Variants in SCN2A observed in about 807,000 individuals in gnomAD.
SCN2A encodes the protein sodium voltage-gated channel alpha subunit 2.
Under a neutral mutation model 188.7 loss-of-function variants are expected in SCN2A, and 20 were observed. The observed-to-expected ratio is 0.11, with a 90% CI of 0.07 to 0.15. The LOEUF (loss-of-function observed/expected upper bound fraction) is 0.15, where lower values mean the gene tolerates loss of function less well. Ranked by LOEUF, SCN2A falls within the 10% of genes least tolerant of loss-of-function variation. SCN2A has a pLI of 1.00. For synonymous variants in SCN2A, 804 were observed against 833.1 expected (o/e 0.97, Z 0.60); for missense variants, 1,278 against 2,445.0 (o/e 0.52, Z 10.07).
intron 14 of SCN2A, among the ~76,000 whole-genome samples, chr2:165,337,753 T>C (rs919329615): frequency 6.8e-6 from 1 of 147,872 alleles, no homozygotes; most frequent in Non-Finnish European, 1.5e-5. Flanking sequence ...AACAAAAACC[T>C]AAAAAAGCTG....
chr2:165,326,859 C>G lies in SCN2A; in HGVS notation c.2024C>G (p.Thr675Ser), dbSNP rs565098344. The change falls in exon 13 of 27, where the codon ACT becomes AGT. Residue 675 changes from threonine (T) to serine (S), a missense_variant. Around this residue, in one of 17 missense-constraint regions of SCN2A, gnomAD observed 315 missense variants for 386.6 expected, o/e 0.81. Coordinates refer to ENST00000375437, the MANE Select transcript of SCN2A (RefSeq NM_001040142.2). ...CTGAAATTCTACTTCTAGGGCACAA[C>G]TACTGAAACAGAAATAAGAAAGAGA... ...SAGQLLPEGTTTETEIRKRRS... is the reference protein window; with the variant it reads ...SAGQLLPEGTSTETEIRKRRS... 8.7e-6 allele frequency: 14 copies of G among 1,613,886 alleles called. No homozygotes were observed. In the South Asian group the frequency reaches 1.5e-4, roughly 18 times the overall value.
chr2:165,359,998 A>G (rs1411241284), intron 17 of SCN2A, among the ~76,000 whole-genome samples: 1 of 151,966 alleles, frequency 6.6e-6, no homozygotes, highest in Non-Finnish European at 1.5e-5. Flanking sequence ...TGATTTTACC[A>G]TATTCTTTTT....
chr2:165,305,887 T>C (rs1697097994), intron 3 of SCN2A, among the ~76,000 whole-genome samples: 1 of 152,184 alleles, frequency 6.6e-6, no homozygotes, highest in African/African-American at 2.4e-5. Flanking sequence ...GAAATATCCT[T>C]TCCCCTATGC....
At position 165,354,771 on chromosome 2, in the gene SCN2A, A is replaced by G. The variant is rs559099074; in HGVS notation, c.3399+100A>G. On this transcript the variant is annotated intron_variant, in intron 17 of 26. Coordinates refer to ENST00000375437, the MANE Select transcript of SCN2A (RefSeq NM_001040142.2). The stretch of plus-strand genomic sequence containing the variant: ...TTGCGTGTTTCCTTCCTGTTAAGAA[A>G]ATAGAAAATATCTGTCTAGCAATAT... 8.5e-6 allele frequency: 10 copies of G among 1,176,770 alleles called. No homozygotes were observed. In the African/African-American group the frequency reaches 1.4e-4, roughly 16 times the overall value. 72.9% of individuals were successfully genotyped at this position (1,176,770 alleles called of 1,614,324 possible). A position where few individuals can be genotyped will look rare whatever the true frequency, so the allele number is the denominator to read the frequency against.
intron 1 of SCN2A, among the ~76,000 whole-genome samples, chr2:165,257,115 G>A (rs966115197): frequency 6.6e-6 from 1 of 152,148 alleles, no homozygotes; most frequent in Admixed American, 6.5e-5. Context: ...ATTTAGTTGC[G>A]TTCAAGGGTA....
chr2:165,290,828 A>G (rs1342104427), intron 1 of SCN2A: 2 of 959,272 alleles, frequency 2.1e-6, no homozygotes, highest in African/African-American at 3.5e-5. Flanking sequence ...GTTGGTACAC[A>G]TGGAAGATAT....
At chr2:165,312,746 G>A (rs1444210601) in intron 8 of SCN2A, among the ~76,000 whole-genome samples, 1 of 152,008 alleles carries the variant, frequency 6.6e-6, no homozygotes, top group Non-Finnish European at 1.5e-5. Context: ...CTAAATCCTA[G>A]GAAAATTTAA....
intron 3 of SCN2A, 35 bp downstream of exon 3, chr2:165,297,170 T>C: frequency 7.9e-7 from 1 of 1,269,132 alleles, no homozygotes; most frequent in Non-Finnish European, 1.2e-6. Flanking sequence ...AATATGATTT[T>C]CTTCTTTGAC....
chr2:165,271,369 A>G (rs1559328795), intron 1 of SCN2A: 1 of 152,156 alleles, frequency 6.6e-6, no homozygotes, highest in Non-Finnish European at 1.5e-5. Flanking sequence ...AGAGAAGCTT[A>G]CAGTCTTATT....
At chr2:165,321,191 T>G (rs921712881) in intron 11 of SCN2A, among the ~76,000 whole-genome samples, 2 of 152,228 alleles carry the variant, frequency 1.3e-5, no homozygotes, top group African/African-American at 4.8e-5. Context: ...TGCTAAAATA[T>G]AACAAGAGTC....
intron 22 of SCN2A, among the ~76,000 whole-genome samples, chr2:165,376,743 TAGAG>T (rs1413807453): frequency 1.3e-5 from 2 of 151,774 alleles, no homozygotes; most frequent in African/African-American, 2.4e-5. Flanking sequence ...TGTGTGTAGA[TAGAG>T]AAAGAGAGAG....
At chr2:165,284,841 G>A (rs1695759384) in intron 1 of SCN2A, among the ~76,000 whole-genome samples, 1 of 152,150 alleles carries the variant, frequency 6.6e-6, no homozygotes, top group Non-Finnish European at 1.5e-5. Flanking sequence ...ATTAGAGGTG[G>A]CCTTCCTGCT....
At chr2:165,377,408 A>G (rs1701373161) in intron 22 of SCN2A, among the ~76,000 whole-genome samples, 189 bp from the exon 23 acceptor site, 1 of 152,018 alleles carries the variant, frequency 6.6e-6, no homozygotes, top group Admixed American at 6.6e-5. Flanking sequence ...AAGATGTTAT[A>G]GAGGAATATA....
At chr2:165,336,069 G>T (rs373584245) in intron 14 of SCN2A, among the ~76,000 whole-genome samples, 2 of 151,830 alleles carry the variant, frequency 1.3e-5, no homozygotes, top group African/African-American at 4.8e-5. Context: ...CACACACTAA[G>T]ATGGCTATAA....
chr2:165,280,701 T>G lies in SCN2A; in HGVS notation c.-51-15072T>G, dbSNP rs142318953. Among the ~76,000 whole-genome samples, 1,474 of 152,254 alleles carry G rather than the reference T, an allele frequency of 9.7e-3. 22 individuals carry two copies. The highest frequency in any genetic ancestry group is 0.033 in the African/African-American group (1,388 of 41,540). On this transcript the variant is annotated intron_variant, in intron 1 of 26. Coordinates refer to ENST00000375437, the MANE Select transcript of SCN2A (RefSeq NM_001040142.2). ...CCTGTGGGATCATAATAAAGCCACT[T>G]CTGTAGGGCTTTGTTTGGAATTACA...
chr2:165,316,858 T>A (rs913980337), intron 11 of SCN2A, among the ~76,000 whole-genome samples: 2 of 152,308 alleles, frequency 1.3e-5, no homozygotes, highest in Non-Finnish European at 2.9e-5. Flanking sequence ...AGTTGCACAA[T>A]GTCATATAGC....
intron 22 of SCN2A, 133 bp from the exon 23 acceptor site, chr2:165,377,464 G>A: frequency 1.4e-6 from 1 of 708,572 alleles, no homozygotes; most frequent in Non-Finnish European, 2.3e-6. Context: ...TGCCCCAAAA[G>A]TGAATACAAA....
intron 26 of SCN2A, 46 bp from the exon 27 acceptor site, chr2:165,388,583 A>G (rs1336454362): frequency 1.2e-6 from 2 of 1,611,828 alleles, no homozygotes; most frequent in Non-Finnish European, 8.5e-7. Flanking sequence ...TTCATTTGCT[A>G]CTATTAAGTA....
intron 1 of SCN2A, chr2:165,270,497 T>G (rs1695057488): frequency 1.3e-5 from 2 of 152,098 alleles, no homozygotes; most frequent in Non-Finnish European, 2.9e-5. Context: ...TTACTTTCCT[T>G]TTAAAAAGCC....
Sources: gnomAD v4.1 joint callset for allele counts (sites outside exome capture counted in the v4.1 genomes callset) on GRCh38, gnomAD v4.1.1 for gene constraint, gnomAD v4.1.1 regional missense constraint, MANE v1.5 for transcripts, NCBI Gene and HGNC (gene_info 2026-07-23, HGNC 2026-07-21) for gene names.